HSPBAP1: variants seen among roughly 807,000 people sequenced by gnomAD.
HSPBAP1 encodes the protein HSPB1-associated protein 1.
HSPBAP1 carries 27 observed loss-of-function variants against 45.2 expected under a neutral mutation model. The ratio of observed to expected loss-of-function variants is 0.60; its 90% confidence interval spans 0.44 to 0.82. The LOEUF is 0.82. Among genes scored for constraint, HSPBAP1 ranks in the 40% least tolerant of loss-of-function variants. HSPBAP1 has a pLI of 0.00. For synonymous variants in HSPBAP1, 204 were observed against 202.7 expected, an observed-to-expected ratio of 1.01 and a Z score of -0.06; for missense variants, 510 against 590.9, an observed-to-expected ratio of 0.86 and a Z score of 1.42.
chr3:122,792,445 G>A (rs1935861403), intron 1 of HSPBAP1, among the ~76,000 whole-genome samples: 1 of 152,046 alleles, frequency 6.6e-6, no homozygotes, highest in African/African-American at 2.4e-5. Flanking sequence ...ATAGATGAAG[G>A]TCAAGAATTG....
At chr3:122,761,426 TGAG>T (rs1360533991) in intron 3 of HSPBAP1, 1 of 152,040 alleles carries the variant, frequency 6.6e-6, no homozygotes, top group African/African-American at 2.4e-5. Flanking sequence ...TATGAGAAAC[TGAG>T]GAGAGACTTC....
chr3:122,740,415 A>C lies in HSPBAP1; in HGVS notation c.1397T>G (p.Leu466Arg). ...PQTFISTDDL[L>R]DCLVNPQVTR... ...TACTTGTGGATTCACCAAGCAGTCC[A>C]GCAAGTCATCCGTAGAAATGAATGT... Residue 466 changes from leucine to arginine, a missense_variant, in exon 8 of 8, where the codon CTG becomes CGG. Coordinates refer to ENST00000306103, the MANE Select transcript of HSPBAP1 (RefSeq NM_024610.6). 1.9e-6 allele frequency: 3 copies of C among 1,613,836 alleles called. No homozygotes were observed. Among genetic ancestry groups the C allele is most frequent in the Non-Finnish European group, 1.7e-6 (2 of 1,179,828 alleles).
chr3:122,754,585 G>A (rs1362145024), intron 5 of HSPBAP1: 2 of 983,502 alleles, frequency 2.0e-6, no homozygotes, highest in Non-Finnish European at 2.4e-6. Context: ...CAGTGAGACC[G>A]GTACAATGGA....
At chr3:122,779,923 G>T (rs368231263) in intron 1 of HSPBAP1, among the ~76,000 whole-genome samples, 1 of 151,836 alleles carries the variant, frequency 6.6e-6, no homozygotes, top group East Asian at 1.9e-4. Flanking sequence ...ACACAGACAC[G>T]GCAACCATCC....
chr3:122,757,817 T>C (rs1934409088), intron 4 of HSPBAP1, among the ~76,000 whole-genome samples: 1 of 152,244 alleles, frequency 6.6e-6, no homozygotes, highest in South Asian at 2.1e-4. Context: ...CCAACTTGAA[T>C]TTCTTTGGCT....
intron 5 of HSPBAP1, 79 bp downstream of exon 5, chr3:122,755,181 A>C: frequency 7.8e-7 from 1 of 1,288,742 alleles, no homozygotes; most frequent in African/African-American, 1.5e-5. Flanking sequence ...AGGGAGGGGA[A>C]GCACACAGCA....
At chr3:122,768,918 T>G in intron 2 of HSPBAP1, 36 bp from the exon 3 acceptor site, 1 of 1,253,048 alleles carries the variant, frequency 8.0e-7, no homozygotes, top group Non-Finnish European at 1.1e-6. Flanking sequence ...AAATGTATAA[T>G]GAACACATTT....
At chr3:122,779,524 T>TTTATTTATTTA (rs1560158948) in intron 1 of HSPBAP1, among the ~76,000 whole-genome samples, 6 of 48,336 alleles carry the variant, frequency 1.2e-4, no homozygotes, top group Non-Finnish European at 3.8e-4. Flanking sequence ...TTATTTATTT[T>TTTATTTATTTA]TTATTGATCA....
rs567330529 is a variant in HSPBAP1 at position 122,769,221 on chromosome 3, A to C, written c.251-339T>G. On this transcript the variant is annotated intron_variant, in intron 2 of 7. Coordinates refer to ENST00000306103, the MANE Select transcript of HSPBAP1 (RefSeq NM_024610.6). ...TTCACAATACTCAGGATTAAACATA[A>C]AAGTATAAAGCAGTTTTAACCTTAA... is the stretch of plus-strand genomic sequence containing the variant. Among the ~76,000 whole-genome samples the C allele has an allele frequency of 2.0e-5, 3 of 152,354 alleles. No homozygotes were observed. In the South Asian group the frequency reaches 6.2e-4, roughly 32 times the overall value.
In HSPBAP1 at chr3:122,768,883, C is replaced by A. The variant is rs150320476; in HGVS notation, c.251-1G>T. 3 of 1,594,434 alleles carry A rather than the reference C, an allele frequency of 1.9e-6. No individual in the cohort carries two copies. Among genetic ancestry groups the A allele is most frequent in the Non-Finnish European group, 2.6e-6 (3 of 1,163,856 alleles). On this transcript the variant is annotated splice_acceptor_variant, in intron 2 of 7. Transcript: ENST00000306103. LOFTEE classifies it high-confidence loss of function. ...TTACATGTAGTTTCAAACTGAGGAA[C>A]TGCAATGTAAGAGAATGCAACCTTA...
At chr3:122,769,179 G>C (rs1056837059) in intron 2 of HSPBAP1, among the ~76,000 whole-genome samples, 10 of 152,096 alleles carry the variant, frequency 6.6e-5, no homozygotes, top group Non-Finnish European at 2.9e-5. Flanking sequence ...GTTATATAAT[G>C]AGTGCCATTT....
At chr3:122,760,662 T>G (rs2107514629) in intron 3 of HSPBAP1, among the ~76,000 whole-genome samples, 1 of 152,158 alleles carries the variant, frequency 6.6e-6, no homozygotes, top group Middle Eastern at 3.4e-3. Flanking sequence ...TGCACATGGC[T>G]CACATGTGGC....
intron 1 of HSPBAP1, among the ~76,000 whole-genome samples, chr3:122,779,501 TTTA>T (rs1186223954): frequency 6.7e-5 from 9 of 135,048 alleles, no homozygotes; most frequent in Admixed American, 5.3e-4. Flanking sequence ...CTTTTATTTA[TTTA>T]TTTATTTATT....
At chr3:122,741,929 C>T (rs73193812) in intron 6 of HSPBAP1, among the ~76,000 whole-genome samples, 44 of 151,988 alleles carry the variant, frequency 2.9e-4, no homozygotes, top group Non-Finnish European at 5.7e-4. Context: ...GGAAAGCAAA[C>T]TGATAGAGAC....
intron 1 of HSPBAP1, among the ~76,000 whole-genome samples, chr3:122,784,249 T>C (rs1935583052): frequency 6.6e-6 from 1 of 152,220 alleles, no homozygotes; most frequent in Admixed American, 6.5e-5. Flanking sequence ...TATTCTGTTT[T>C]TCATGGGATA....
At chr3:122,774,840 C>T (rs139609038) in intron 2 of HSPBAP1, among the ~76,000 whole-genome samples, 83 of 152,290 alleles carry the variant, frequency 5.5e-4, no homozygotes, top group Middle Eastern at 3.4e-3. Flanking sequence ...TTCAGAAGTT[C>T]TGGTGTAAGA....
chr3:122,750,562 A>G (rs1934100353), intron 6 of HSPBAP1, among the ~76,000 whole-genome samples: 1 of 148,386 alleles, frequency 6.7e-6, no homozygotes, highest in African/African-American at 2.5e-5. Flanking sequence ...TAATCTATCT[A>G]TCTATCTCAC....
chr3:122,780,934 C>T lies in HSPBAP1; in HGVS notation c.65-3028G>A, dbSNP rs1284337889. ...CCCAGACGGGGCGGCGGGGCAGAGG[C>T]GGTCCCCACATCTCAGACGATGGGC... On this transcript the variant is annotated intron_variant, in intron 1 of 7. Transcript: ENST00000306103. Among the ~76,000 whole-genome samples the T allele has an allele frequency of 1.7e-3, 168 of 98,328 alleles. 23 individuals carry two copies. Among genetic ancestry groups the T allele is most frequent in the African/African-American group, 5.1e-3 (161 of 31,622 alleles). 64.5% of individuals were successfully genotyped at this position (98,328 alleles called of 152,430 possible).
At chr3:122,773,499 C>A (rs1330574897) in intron 2 of HSPBAP1, among the ~76,000 whole-genome samples, 1 of 151,770 alleles carries the variant, frequency 6.6e-6, no homozygotes, top group East Asian at 1.9e-4. Context: ...GTATTTTTAG[C>A]AGAGACGGGG....
Sources: allele counts gnomAD v4.1 joint callset (sites outside exome capture counted in the v4.1 genomes callset), GRCh38; gene constraint gnomAD v4.1.1; transcripts MANE v1.5; gene names NCBI Gene and HGNC (gene_info 2026-07-23, HGNC 2026-07-21).